Variants in TLL1 observed in about 807,000 individuals in gnomAD.
TLL1 encodes the protein tolloid-like protein 1.
A neutral mutation model predicts 128.2 loss-of-function variants in TLL1; 49 were observed. That is an observed-to-expected ratio of 0.38 (90% CI 0.30 to 0.48). The LOEUF is 0.48. TLL1 is among the 20% of genes least tolerant of loss of function. The pLI is 0.96. For missense variants in TLL1, 1,123 were observed against 1,242.0 expected (o/e 0.90, Z 1.44); for synonymous variants, 454 against 418.8 (o/e 1.08, Z -1.03).
intron 1 of TLL1, among the ~76,000 whole-genome samples, chr4:165,988,849 A>C (rs1015864872): frequency 2.0e-5 from 3 of 152,116 alleles, no homozygotes; most frequent in African/African-American, 7.2e-5. Context: ...TCTTAAGATA[A>C]AGTGTATTAT....
Position 165,887,051 on chromosome 4 carries a change from T to A in TLL1, c.169+12978T>A, listed in dbSNP as rs117880830. On this transcript the variant is annotated intron_variant, in intron 1 of 20. Transcript: ENST00000061240. ...GGTCTAACATGGACAGAGCAAAGGATGTGTAAGAGTTAATGCTTTGGCAAT... is the reference window on the plus strand; with the variant it reads ...GGTCTAACATGGACAGAGCAAAGGAAGTGTAAGAGTTAATGCTTTGGCAAT... 2.4e-3 allele frequency among the ~76,000 whole-genome samples: 365 copies of A among 152,276 alleles called. 2 individuals are homozygous for A. The East Asian group carries it at 0.043, about 18-fold the overall frequency.
intron 16 of TLL1, among the ~76,000 whole-genome samples, chr4:166,070,496 ACT>A (rs1337448041): frequency 7.9e-5 from 12 of 151,928 alleles, no homozygotes; most frequent in Admixed American, 3.9e-4. Flanking sequence ...TTCAGTTATG[ACT>A]CTGCAATTCT....
chr4:165,993,790 AC>A (rs1736744950), intron 3 of TLL1, among the ~76,000 whole-genome samples: 1 of 152,148 alleles, frequency 6.6e-6, no homozygotes, highest in Non-Finnish European at 1.5e-5. Flanking sequence ...TTGTGTACTG[AC>A]CTCTAAATCA....
chr4:165,942,133 A>G (rs749506498), intron 1 of TLL1, among the ~76,000 whole-genome samples: 20 of 151,986 alleles, frequency 1.3e-4, no homozygotes, highest in Non-Finnish European at 2.2e-4. Flanking sequence ...TTGCTGATAT[A>G]TTTTTATTTT....
chr4:165,987,050 C>T (rs555560295), intron 1 of TLL1, among the ~76,000 whole-genome samples: 8 of 152,064 alleles, frequency 5.3e-5, no homozygotes, highest in Admixed American at 4.6e-4. Flanking sequence ...GAATCTGAGG[C>T]TCCTCTCCAG....
chr4:165,899,451 A>G (rs962405414), intron 1 of TLL1, among the ~76,000 whole-genome samples: 2 of 151,948 alleles, frequency 1.3e-5, no homozygotes, highest in Admixed American at 1.3e-4. Flanking sequence ...CAAAGAACTT[A>G]TTTATTTCTG....
intron 9 of TLL1, among the ~76,000 whole-genome samples, chr4:166,028,279 A>G (rs116407362): frequency 0.011 from 1,677 of 151,988 alleles, 34 homozygotes; most frequent in African/African-American, 0.036. Flanking sequence ...TATTGTTATT[A>G]TTTCTTCTTA....
intron 1 of TLL1, among the ~76,000 whole-genome samples, chr4:165,880,585 A>G (rs893349589): frequency 2.6e-5 from 4 of 152,222 alleles, no homozygotes; most frequent in Admixed American, 1.3e-4. Flanking sequence ...TACTTGAAGC[A>G]TTCAACTCAG....
At chr4:165,964,082 C>G (rs147545092) in intron 1 of TLL1, among the ~76,000 whole-genome samples, 9 of 152,222 alleles carry the variant, frequency 5.9e-5, no homozygotes, top group Non-Finnish European at 1.2e-4. Context: ...GGAGATACAT[C>G]TTAGCATATA....
At chr4:165,891,081 T>A (rs1731380735) in intron 1 of TLL1, among the ~76,000 whole-genome samples, 1 of 152,170 alleles carries the variant, frequency 6.6e-6, no homozygotes, top group Non-Finnish European at 1.5e-5. Flanking sequence ...TGGCCTGAGC[T>A]GCATATTTTT....
At chr4:165,904,496 G>A (rs1007109405) in intron 1 of TLL1, among the ~76,000 whole-genome samples, 1 of 152,150 alleles carries the variant, frequency 6.6e-6, no homozygotes, top group African/African-American at 2.4e-5. Flanking sequence ...CTTATAAGCA[G>A]GCAGGGAAGA....
chr4:165,910,558 T>A lies in TLL1; in HGVS notation c.169+36485T>A, dbSNP rs1486537334. ...TTCCATCTCTGGCATCTTGTCATCC[T>A]ATGTAGAGCCACACATTTCAAGATG... On this transcript the variant is annotated intron_variant, in intron 1 of 20. Transcript: ENST00000061240. Among the ~76,000 whole-genome samples the A allele has an allele frequency of 2.0e-5, 3 of 152,196 alleles. No homozygotes were observed. The East Asian group carries it at 5.8e-4, about 29-fold the overall frequency.
At chr4:166,037,831 T>C (rs547163462) in intron 9 of TLL1, among the ~76,000 whole-genome samples, 3 of 151,988 alleles carry the variant, frequency 2.0e-5, no homozygotes, top group Admixed American at 1.3e-4. Flanking sequence ...AAAAAACTTA[T>C]TCCACAACTT....
intron 7 of TLL1, 100 bp downstream of exon 7, chr4:166,008,148 T>A: frequency 2.4e-6 from 2 of 817,762 alleles, no homozygotes; most frequent in African/African-American, 1.7e-5. Flanking sequence ...TACTTTCAAA[T>A]ATTGCTACCT....
intron 8 of TLL1, among the ~76,000 whole-genome samples, chr4:166,020,110 A>G (rs1738151805): frequency 6.6e-6 from 1 of 152,160 alleles, no homozygotes; most frequent in Admixed American, 6.6e-5. Flanking sequence ...GTCTACTGCT[A>G]TAAGACACCC....
At chr4:166,030,376 G>C (rs1296498834) in intron 9 of TLL1, 1 of 425,892 alleles carries the variant, frequency 2.3e-6, no homozygotes, top group African/African-American at 2.0e-5. Context: ...TCTTTCAACT[G>C]TAGAAGTTTT....
At chr4:165,982,367 T>C (rs1436638720) in intron 1 of TLL1, among the ~76,000 whole-genome samples, 2 of 151,934 alleles carry the variant, frequency 1.3e-5, no homozygotes, top group Non-Finnish European at 2.9e-5. Flanking sequence ...AAAATTATCT[T>C]TAAATATTCT....
intron 9 of TLL1, among the ~76,000 whole-genome samples, chr4:166,027,959 A>G (rs1324533378): frequency 6.6e-6 from 1 of 152,032 alleles, no homozygotes; most frequent in African/African-American, 2.4e-5. Context: ...ATCATCTATT[A>G]TTTTTCTTAA....
At chr4:165,917,095 C>A (rs1402642911) in intron 1 of TLL1, among the ~76,000 whole-genome samples, 3 of 151,882 alleles carry the variant, frequency 2.0e-5, no homozygotes, top group Non-Finnish European at 2.9e-5. Context: ...TTCACAAGTA[C>A]CTAAATGCAT....
Sources: gnomAD v4.1 joint callset for allele counts (sites outside exome capture counted in the v4.1 genomes callset) on GRCh38, gnomAD v4.1.1 for gene constraint, MANE v1.5 for transcripts, NCBI Gene and HGNC (gene_info 2026-07-23, HGNC 2026-07-21) for gene names.